The following STK32B variants were observed in gnomAD, a reference collection of about 807,000 sequenced individuals.
STK32B encodes the protein serine/threonine-protein kinase 32B.
A neutral mutation model predicts 52.6 loss-of-function variants in STK32B; 43 were observed. The ratio of observed to expected loss-of-function variants is 0.82; its 90% CI spans 0.64 to 1.05. The LOEUF (loss-of-function observed/expected upper bound fraction) is 1.05. Among genes scored for constraint, STK32B ranks in the 50% least tolerant of loss-of-function variants. STK32B has a pLI of 0.00. For synonymous variants in STK32B, 238 were observed against 204.3 expected, an observed-to-expected ratio of 1.17 and a Z score of -1.41; for missense variants, 621 against 534.6, an observed-to-expected ratio of 1.16 and a Z score of -1.59.
At chr4:5,104,791 C>T (rs1027203452) in intron 1 of STK32B, among the ~76,000 whole-genome samples, 4 of 152,040 alleles carry the variant, frequency 2.6e-5, no homozygotes, top group Non-Finnish European at 4.4e-5. Flanking sequence ...TTATTTTGTT[C>T]CTGGCTTTGT....
intron 1 of STK32B, among the ~76,000 whole-genome samples, chr4:5,122,804 C>A (rs1360083570): frequency 6.6e-6 from 1 of 152,136 alleles, no homozygotes; most frequent in Non-Finnish European, 1.5e-5. Context: ...TGGACCACTC[C>A]CTTGCTGCAC....
At chr4:5,317,722 C>G (rs112575398) in intron 3 of STK32B, among the ~76,000 whole-genome samples, 5 of 150,100 alleles carry the variant, frequency 3.3e-5, no homozygotes, top group African/African-American at 1.2e-4. Flanking sequence ...TGGGAGGCTT[C>G]TTGGAGAAGG....
intron 1 of STK32B, among the ~76,000 whole-genome samples, chr4:5,054,540 C>A (rs1577614721): frequency 6.6e-6 from 1 of 152,124 alleles, no homozygotes; most frequent in Non-Finnish European, 1.5e-5. Context: ...CTTAGTACTC[C>A]TGCATTGTGG....
chr4:5,155,104 C>A (rs1368078686), intron 2 of STK32B, among the ~76,000 whole-genome samples: 2 of 152,164 alleles, frequency 1.3e-5, no homozygotes, highest in Non-Finnish European at 2.9e-5. Flanking sequence ...AGAACCTTCA[C>A]ACTTGCTCTT....
chr4:5,113,967 A>G lies in STK32B; in HGVS notation c.53-25938A>G, dbSNP rs1275160271. On this transcript the variant is annotated intron_variant, in intron 1 of 11. Transcript: ENST00000282908. ...ACCATCAGATCTTGTGAGACTTACT[A>G]TCACGAGAATAGCATGAGAAAGACC... Among the ~76,000 whole-genome samples, 6 of 152,078 alleles carry G rather than the reference A, an allele frequency of 3.9e-5. No homozygotes were observed. In the South Asian group the frequency reaches 8.3e-4, roughly 21 times the overall value.
chr4:5,479,025 G>A (rs556397972), intron 11 of STK32B, among the ~76,000 whole-genome samples: 29 of 152,296 alleles, frequency 1.9e-4, no homozygotes, highest in South Asian at 4.1e-4. Flanking sequence ...GGTGCAAAGC[G>A]GATCCAGGGG....
At chr4:5,252,174 T>C (rs1047311601) in intron 3 of STK32B, among the ~76,000 whole-genome samples, 1 of 152,178 alleles carries the variant, frequency 6.6e-6, no homozygotes, top group Non-Finnish European at 1.5e-5. Context: ...ACCTTTTCTA[T>C]GCTCAGAGTC....
Position 5,317,393 on chromosome 4 carries a change from A to AC in STK32B, c.261-13827_261-13826insC, listed in dbSNP as rs1731137396. ...TGTATTATATATATTACATATATAT[A>AC]ATATATATAATGTATATGTATTATA... On this transcript the variant is annotated intron_variant, in intron 3 of 11. Coordinates refer to ENST00000282908, the MANE Select transcript of STK32B (RefSeq NM_018401.3). Among the ~76,000 whole-genome samples, 10 of 82,660 alleles carry AC rather than the reference A, an allele frequency of 1.2e-4. 2 individuals are homozygous for AC. The highest frequency in any genetic ancestry group is 8.2e-4 in the African/African-American group (10 of 12,210). 54.2% of individuals were successfully genotyped at this position (82,660 alleles called of 152,430 possible). A position where few individuals can be genotyped will look rare whatever the true frequency, so the allele number is the denominator to read the frequency against.
intron 3 of STK32B, among the ~76,000 whole-genome samples, chr4:5,319,657 G>A (rs1428396476): frequency 6.6e-6 from 1 of 152,170 alleles, no homozygotes; most frequent in Non-Finnish European, 1.5e-5. Flanking sequence ...CATTGTCCTT[G>A]CTCTCTGCTC....
At chr4:5,490,494 A>G (rs555906631) in intron 11 of STK32B, among the ~76,000 whole-genome samples, 145 of 152,262 alleles carry the variant, frequency 9.5e-4, no homozygotes, top group African/African-American at 3.3e-3. Context: ...GACAAAGAAT[A>G]ATGTGACTAA....
intron 3 of STK32B, among the ~76,000 whole-genome samples, chr4:5,184,695 A>AAG (rs1553846539): frequency 8.7e-5 from 12 of 137,562 alleles, no homozygotes; most frequent in African/African-American, 3.2e-4. Flanking sequence ...AAAAAAAAAA[A>AAG]AAGAAGAAGA....
chr4:5,022,751 A>T, the STK32B span, among the ~76,000 whole-genome samples: 1 of 152,138 alleles, frequency 6.6e-6, no homozygotes, highest in African/African-American at 2.4e-5. Context: ...CATTTGCCAG[A>T]TGCATGTCTA....
intron 1 of STK32B, among the ~76,000 whole-genome samples, chr4:5,072,087 A>C (rs1711819750): frequency 6.6e-6 from 1 of 152,156 alleles, no homozygotes; most frequent in South Asian, 2.1e-4. Flanking sequence ...AGATTCTGAT[A>C]TAAATTTATG....
chr4:5,420,546 G>A (rs1712539835), intron 6 of STK32B, among the ~76,000 whole-genome samples: 1 of 152,188 alleles, frequency 6.6e-6, no homozygotes, highest in African/African-American at 2.4e-5. Flanking sequence ...GTAGGTTTGT[G>A]AAGTGGCATG....
At chr4:5,412,048 G>A (rs747783270) in intron 5 of STK32B, among the ~76,000 whole-genome samples, 9 of 152,170 alleles carry the variant, frequency 5.9e-5, no homozygotes, top group African/African-American at 9.7e-5. Context: ...ATTCCAAGGG[G>A]TGTCAAAGGG....
At chr4:5,039,145 C>T in the STK32B span, among the ~76,000 whole-genome samples, 2 of 151,862 alleles carry the variant, frequency 1.3e-5, no homozygotes, top group Non-Finnish European at 2.9e-5. Context: ...TGCCATCATG[C>T]CCAGATATAT....
intron 3 of STK32B, among the ~76,000 whole-genome samples, chr4:5,245,488 C>G (rs944636855): frequency 4.6e-5 from 7 of 152,114 alleles, no homozygotes; most frequent in Non-Finnish European, 8.8e-5. Context: ...GATGGGTTTC[C>G]TGAATACAGG....
intron 1 of STK32B, among the ~76,000 whole-genome samples, chr4:5,135,848 T>A (rs1023428298): frequency 6.0e-4 from 92 of 152,252 alleles, no homozygotes; most frequent in African/African-American, 2.1e-3. Flanking sequence ...ATTGATTAGA[T>A]CTCATTGATT....
At chr4:5,159,290 T>G (rs892452418) in intron 2 of STK32B, among the ~76,000 whole-genome samples, 5 of 151,898 alleles carry the variant, frequency 3.3e-5, no homozygotes, top group African/African-American at 1.2e-4. Flanking sequence ...TCACACTCTT[T>G]AAGGGACTAC....
Sources: allele counts gnomAD v4.1 joint callset (sites outside exome capture counted in the v4.1 genomes callset), GRCh38; gene constraint gnomAD v4.1.1; transcripts MANE v1.5; gene names NCBI Gene and HGNC (gene_info 2026-07-23, HGNC 2026-07-21).